Variants in CTNNA3 observed in about 807,000 individuals in gnomAD.
CTNNA3 encodes catenin alpha 3, also known as catenin alpha-3.
In CTNNA3, 76 loss-of-function variants were observed where a neutral mutation model predicts 95.7. That is an observed-to-expected ratio of 0.79 (90% CI 0.66 to 0.96). The LOEUF (loss-of-function observed/expected upper bound fraction) is 0.96, where lower values mean the gene tolerates loss of function less well. Ranked by LOEUF, CTNNA3 falls within the 40% of genes least tolerant of loss-of-function variation. The pLI, the probability that CTNNA3 is intolerant of heterozygous loss-of-function variation, is 0.00. For missense variants in CTNNA3, 1,191 were observed against 1,089.8 expected (o/e 1.09, Z -1.31); for synonymous variants, 431 against 374.4 (o/e 1.15, Z -1.74).
chr10:66,917,047 T>C (rs999161608), intron 7 of CTNNA3, among the ~76,000 whole-genome samples: 2 of 152,172 alleles, frequency 1.3e-5, no homozygotes, highest in African/African-American at 4.8e-5. Flanking sequence ...TTATTACTAG[T>C]TGACATTGCA....
intron 7 of CTNNA3, among the ~76,000 whole-genome samples, chr10:66,778,744 G>A (rs565409801): frequency 1.3e-5 from 2 of 152,260 alleles, no homozygotes; most frequent in African/African-American, 4.8e-5. Context: ...GTGAGGCCAA[G>A]GCAGGTGGAT....
At chr10:67,133,739 T>C (rs1017211160) in intron 7 of CTNNA3, among the ~76,000 whole-genome samples, 2 of 152,088 alleles carry the variant, frequency 1.3e-5, no homozygotes, top group Non-Finnish European at 2.9e-5. Context: ...AAAATTCTAA[T>C]ACATGGAAAA....
At chr10:66,562,285 T>A (rs753268039) in intron 10 of CTNNA3, among the ~76,000 whole-genome samples, 2 of 152,198 alleles carry the variant, frequency 1.3e-5, no homozygotes, top group East Asian at 3.9e-4. Context: ...TTCTCTTTAA[T>A]CCTTATTTTA....
intron 5 of CTNNA3, among the ~76,000 whole-genome samples, chr10:67,371,233 T>TA (rs199703549): frequency 1.6e-3 from 240 of 148,790 alleles, no homozygotes; most frequent in Middle Eastern, 6.9e-3. Context: ...TATATACATA[T>TA]TTTTTTTCTA....
At chr10:66,117,446 T>C (rs1232617068) in intron 13 of CTNNA3, among the ~76,000 whole-genome samples, 1 of 152,170 alleles carries the variant, frequency 6.6e-6, no homozygotes, top group Non-Finnish European at 1.5e-5. Flanking sequence ...TCAATTAATA[T>C]ACACACTTAT....
intron 12 of CTNNA3, among the ~76,000 whole-genome samples, chr10:66,288,685 T>C (rs1434227899): frequency 2.6e-5 from 4 of 152,158 alleles, no homozygotes; most frequent in African/African-American, 9.6e-5. Flanking sequence ...AAAAGTTCTA[T>C]TGGACAGCAC....
At chr10:67,228,197 T>C (rs984641439) in intron 5 of CTNNA3, among the ~76,000 whole-genome samples, 1 of 151,762 alleles carries the variant, frequency 6.6e-6, no homozygotes, top group Non-Finnish European at 1.5e-5. Context: ...CTAAATGAAA[T>C]CGAAACAAAA....
intron 9 of CTNNA3, among the ~76,000 whole-genome samples, chr10:66,652,117 A>T (rs1159043865): frequency 7.6e-6 from 1 of 131,988 alleles, no homozygotes; most frequent in Non-Finnish European, 1.6e-5. Flanking sequence ...AAAAAAAAAA[A>T]AACTAAGCCC....
At chr10:67,622,884 TACC>T (rs1843891987) in intron 2 of CTNNA3, among the ~76,000 whole-genome samples, 1 of 152,230 alleles carries the variant, frequency 6.6e-6, no homozygotes, top group Non-Finnish European at 1.5e-5. Flanking sequence ...TTCTTCATCC[TACC>T]ATAAAAATAA....
intron 3 of CTNNA3, among the ~76,000 whole-genome samples, chr10:67,579,049 A>G (rs1842278577): frequency 6.9e-6 from 1 of 145,356 alleles, no homozygotes; most frequent in South Asian, 2.2e-4. Context: ...ACACACATAT[A>G]TGCATATATA....
At chr10:65,975,476 T>C (rs1366929148) in intron 16 of CTNNA3, among the ~76,000 whole-genome samples, 1 of 152,122 alleles carries the variant, frequency 6.6e-6, no homozygotes, top group Non-Finnish European at 1.5e-5. Flanking sequence ...GCTCTTACTA[T>C]GTGCCACATG....
At chr10:66,048,791 G>A (rs1004173685) in intron 15 of CTNNA3, among the ~76,000 whole-genome samples, 4 of 151,906 alleles carry the variant, frequency 2.6e-5, no homozygotes, top group Non-Finnish European at 5.9e-5. Flanking sequence ...ATCAACTCAA[G>A]ATGGATTAAA....
intron 12 of CTNNA3, among the ~76,000 whole-genome samples, chr10:66,346,415 A>T (rs2092520245): frequency 6.6e-6 from 1 of 151,444 alleles, no homozygotes; most frequent in Admixed American, 6.6e-5. Context: ...AGTAGCTGGG[A>T]CTACACACAT....
At chr10:66,227,413 A>T (rs921836111) in intron 13 of CTNNA3, among the ~76,000 whole-genome samples, 1 of 150,144 alleles carries the variant, frequency 6.7e-6, no homozygotes, top group African/African-American at 2.5e-5. Flanking sequence ...GAATTTTATC[A>T]AATGCTTTTT....
At chr10:67,293,978 C>T (rs117602524) in intron 5 of CTNNA3, among the ~76,000 whole-genome samples, 173 of 152,088 alleles carry the variant, frequency 1.1e-3, no homozygotes, top group African/African-American at 3.9e-3. Flanking sequence ...AATAAACATA[C>T]GATAAATTAC....
At chr10:66,411,099 A>C (rs1217318024) in intron 11 of CTNNA3, among the ~76,000 whole-genome samples, 1 of 152,136 alleles carries the variant, frequency 6.6e-6, no homozygotes, top group Admixed American at 6.6e-5. Flanking sequence ...ATAATGTCCT[A>C]TTTGCTAACA....
At chr10:65,988,599 G>A in intron 16 of CTNNA3, 93 bp downstream of exon 16, 1 of 921,524 alleles carries the variant, frequency 1.1e-6, no homozygotes, top group South Asian at 1.6e-5. Flanking sequence ...AATGGTTGAA[G>A]AGAGTAAAAA....
intron 3 of CTNNA3, among the ~76,000 whole-genome samples, chr10:67,567,439 T>C (rs1341710766): frequency 1.3e-5 from 2 of 151,818 alleles, no homozygotes; most frequent in African/African-American, 4.8e-5. Context: ...CTTGGAAGGG[T>C]GAGAGGGTTA....
chr10:66,661,633 T>A (rs546645572), intron 9 of CTNNA3, among the ~76,000 whole-genome samples: 1 of 152,204 alleles, frequency 6.6e-6, no homozygotes, highest in African/African-American at 2.4e-5. Flanking sequence ...GGGTTTTAAG[T>A]GCACCAAAAC....
Sources: gnomAD v4.1 joint callset for allele counts (sites outside exome capture counted in the v4.1 genomes callset) on GRCh38, gnomAD v4.1.1 for gene constraint, MANE v1.5 for transcripts, NCBI Gene and HGNC (gene_info 2026-07-23, HGNC 2026-07-21) for gene names.